KCNMA1: variants seen among roughly 807,000 people sequenced by gnomAD.
KCNMA1 encodes potassium calcium-activated channel subfamily M alpha 1.
Under a neutral mutation model 140.0 loss-of-function variants are expected in KCNMA1, and 29 were observed. The observed-to-expected ratio is 0.21, with a 90% CI of 0.15 to 0.28. KCNMA1 has a LOEUF of 0.28. KCNMA1 is among the 10% of genes least tolerant of loss of function. The probability of loss-of-function intolerance (pLI) is 1.00; values close to 1 mark genes in which losing one functional copy is unlikely to be tolerated. For missense variants in KCNMA1, 880 were observed against 1,602.2 expected (o/e 0.55, Z 7.70); for synonymous variants, 612 against 611.9 (o/e 1.00, Z 0.00).
intron 2 of KCNMA1, chr10:77,373,976 A>C (rs756301599): frequency 6.6e-6 from 1 of 152,252 alleles, no homozygotes; most frequent in Non-Finnish European, 1.5e-5. Context: ...GTGGGTGGTT[A>C]TGGCTGTGGG....
intron 2 of KCNMA1, among the ~76,000 whole-genome samples, chr10:77,393,855 A>G (rs1182339501): frequency 2.0e-5 from 3 of 152,248 alleles, no homozygotes; most frequent in Admixed American, 2.0e-4. Flanking sequence ...CCAGGCCCCA[A>G]CAGAGACTGA....
intron 1 of KCNMA1, among the ~76,000 whole-genome samples, chr10:77,494,649 C>T (rs1032717470): frequency 6.6e-6 from 1 of 152,170 alleles, no homozygotes; most frequent in Non-Finnish European, 1.5e-5. Flanking sequence ...CCAGAGGGAG[C>T]AGTTTTCCAG....
At chr10:77,494,305 A>T (rs148041006) in intron 1 of KCNMA1, among the ~76,000 whole-genome samples, 123 of 152,302 alleles carry the variant, frequency 8.1e-4, no homozygotes, top group Non-Finnish European at 1.4e-3. Context: ...GCTTCAGGCC[A>T]GGGCTGAATA....
chr10:76,995,999 A>C (rs1292219791), intron 19 of KCNMA1, among the ~76,000 whole-genome samples: 1 of 152,132 alleles, frequency 6.6e-6, no homozygotes, highest in South Asian at 2.1e-4. Flanking sequence ...GTCTCCTTTC[A>C]TCTACCTGCA....
chr10:77,001,244 C>A (rs1003510457), intron 19 of KCNMA1, among the ~76,000 whole-genome samples, 163 bp downstream of exon 19: 3 of 152,054 alleles, frequency 2.0e-5, no homozygotes, highest in Non-Finnish European at 2.9e-5. Context: ...TAGGCACGTA[C>A]ACAGAGACAT....
chr10:76,887,107 A>G lies in KCNMA1; in HGVS notation c.*159T>C. 1.3e-6 allele frequency: 2 copies of G among 1,572,430 alleles called. No individual in the cohort carries two copies. The highest frequency in any genetic ancestry group is 1.7e-6 in the Non-Finnish European group (2 of 1,163,100). ...TCAAGGGTTTTATGGTGGTGAAATAAAAATGACAACCACATGCACACTATC... is the reference window on the plus strand; with the variant it reads ...TCAAGGGTTTTATGGTGGTGAAATAGAAATGACAACCACATGCACACTATC... On this transcript the variant is annotated 3_prime_UTR_variant, in exon 28 of 28. Transcript: ENST00000286628.
chr10:77,269,066 C>T (rs1483610721), intron 2 of KCNMA1, among the ~76,000 whole-genome samples: 1 of 152,084 alleles, frequency 6.6e-6, no homozygotes, highest in Non-Finnish European at 1.5e-5. Flanking sequence ...AAGAACTGCC[C>T]CAGTTCTGGC....
intron 2 of KCNMA1, among the ~76,000 whole-genome samples, chr10:77,261,281 A>C (rs2061946587): frequency 6.6e-6 from 1 of 152,056 alleles, no homozygotes; most frequent in South Asian, 2.1e-4. Context: ...TTTTTTTGAG[A>C]GGGCAGAAGA....
At chr10:77,100,007 G>T (rs2097057052) in intron 9 of KCNMA1, among the ~76,000 whole-genome samples, 1 of 152,160 alleles carries the variant, frequency 6.6e-6, no homozygotes, top group Non-Finnish European at 1.5e-5. Flanking sequence ...TTGCTTTCAT[G>T]ATTATTGTAC....
intron 9 of KCNMA1, among the ~76,000 whole-genome samples, chr10:77,104,710 C>T (rs183608696): frequency 9.5e-4 from 144 of 152,304 alleles, no homozygotes; most frequent in African/African-American, 3.4e-3. Context: ...GATTATTTTC[C>T]ATGGCCCTTG....
chr10:77,031,263 A>G (rs2093919779), intron 15 of KCNMA1, among the ~76,000 whole-genome samples: 1 of 152,254 alleles, frequency 6.6e-6, no homozygotes, highest in African/African-American at 2.4e-5. Context: ...GTGAATTCAC[A>G]TAGAAACTGG....
intron 2 of KCNMA1, among the ~76,000 whole-genome samples, chr10:77,300,617 T>C (rs1279534810): frequency 2.0e-5 from 3 of 152,218 alleles, no homozygotes; most frequent in African/African-American, 2.4e-5. Flanking sequence ...ATTAAATCAA[T>C]GGTGCATCTT....
chr10:77,240,046 T>C (rs2056853414), intron 3 of KCNMA1, among the ~76,000 whole-genome samples: 1 of 152,316 alleles, frequency 6.6e-6, no homozygotes, highest in South Asian at 2.1e-4. Flanking sequence ...TCAACTCTTC[T>C]TTGGTCAAGT....
intron 1 of KCNMA1, among the ~76,000 whole-genome samples, chr10:77,583,098 G>A (rs2076318335): frequency 1.3e-5 from 2 of 152,232 alleles, no homozygotes; most frequent in Non-Finnish European, 2.9e-5. Context: ...GTACCTCTGT[G>A]ACAGGCTCAT....
intron 3 of KCNMA1, among the ~76,000 whole-genome samples, chr10:77,211,966 G>A (rs1022276159): frequency 2.0e-5 from 3 of 152,164 alleles, no homozygotes; most frequent in Admixed American, 6.5e-5. Flanking sequence ...GCAAGGCTGC[G>A]GAGAAAAGGG....
intron 1 of KCNMA1, among the ~76,000 whole-genome samples, chr10:77,436,831 T>A (rs141105793): frequency 1.3e-5 from 2 of 152,282 alleles, no homozygotes; most frequent in African/African-American, 4.8e-5. Context: ...ACAGTAAAGA[T>A]GACCATATGG....
chr10:77,102,867 C>A (rs944694480), intron 9 of KCNMA1, among the ~76,000 whole-genome samples: 1 of 152,182 alleles, frequency 6.6e-6, no homozygotes, highest in Admixed American at 6.5e-5. Flanking sequence ...TACCCTTGCT[C>A]AGTGCTTGCA....
rs528743897 is a variant in KCNMA1, at chr10:77,032,759, A to G, written c.1860-4868T>C. Among the ~76,000 whole-genome samples, 66 of 151,412 alleles carry G rather than the reference A, an allele frequency of 4.4e-4. 1 individual carries two copies. Among genetic ancestry groups the G allele is most frequent in the Middle Eastern group, 3.4e-3 (1 of 294 alleles). On this transcript the variant is annotated intron_variant, in intron 15 of 27. Coordinates refer to ENST00000286628, the MANE Select transcript of KCNMA1 (RefSeq NM_001161352.2). ...CTTTTTTTTTTTTACTGCCAACATC[A>G]TCTGTTAACTACAGTAGTTTCAACC...
chr10:77,334,686 A>T (rs1368682515), intron 2 of KCNMA1, among the ~76,000 whole-genome samples: 2 of 152,200 alleles, frequency 1.3e-5, no homozygotes, highest in African/African-American at 2.4e-5. Flanking sequence ...ATATTTACAC[A>T]TGAAACATAC....
Sources: gnomAD v4.1 joint callset for allele counts (sites outside exome capture counted in the v4.1 genomes callset) on GRCh38, gnomAD v4.1.1 for gene constraint, MANE v1.5 for transcripts, NCBI Gene and HGNC (gene_info 2026-07-23, HGNC 2026-07-21) for gene names.